Variants in PCDHGA11 observed in about 807,000 individuals in gnomAD.
PCDHGA11 encodes protocadherin gamma subfamily A, 11.
Under a neutral mutation model 60.4 loss-of-function variants are expected in PCDHGA11, and 39 were observed. The observed-to-expected ratio is 0.65, with a 90% CI of 0.50 to 0.84. The LOEUF is 0.84. Ranked by LOEUF, PCDHGA11 falls within the 40% of genes least tolerant of loss-of-function variation. PCDHGA11 has a pLI of 0.00. For missense variants in PCDHGA11, 1,165 were observed against 1,197.7 expected, an observed-to-expected ratio of 0.97 and a Z score of 0.40; for synonymous variants, 533 against 510.3, an observed-to-expected ratio of 1.04 and a Z score of -0.60.
chr5:141,444,373 G>A (rs2098434682), intron 1 of PCDHGA11, among the ~76,000 whole-genome samples: 1 of 151,902 alleles, frequency 6.6e-6, no homozygotes, highest in South Asian at 2.1e-4. Context: ...GTTTCTCCAT[G>A]TTGGTCAGGC....
Position 141,421,294 on chromosome 5 carries a change from A to G in PCDHGA11, c.67A>G (p.Thr23Ala), listed in dbSNP as rs779984795. ...LLLLLCIFLG[T>A]LRGFRARQIR... ...GCTGCTGCTGTGCATTTTCCTGGGGACGCTGCGGGGGTTCCGGGCCAGGCA... is the reference window on the plus strand; with the variant it reads ...GCTGCTGCTGTGCATTTTCCTGGGGGCGCTGCGGGGGTTCCGGGCCAGGCA... Residue 23 changes from threonine to alanine, a missense_variant, in exon 1 of 4, where the codon ACG becomes GCG. Thr to Ala is a moderately conservative substitution (Grantham distance 58). Transcript: ENST00000398587. 3 of 1,613,304 alleles carry G rather than the reference A, an allele frequency of 1.9e-6. No individual in the cohort carries two copies. The highest frequency in any genetic ancestry group is 2.5e-6 in the Non-Finnish European group (3 of 1,179,760).
chr5:141,429,374 TG>T (rs2097206438), intron 1 of PCDHGA11, among the ~76,000 whole-genome samples: 1 of 145,410 alleles, frequency 6.9e-6, no homozygotes, highest in South Asian at 2.2e-4. Context: ...ATGGAGAAAA[TG>T]TGTTTTTTTT....
intron 1 of PCDHGA11, among the ~76,000 whole-genome samples, chr5:141,444,357 G>C (rs1258703336): frequency 3.3e-5 from 5 of 151,798 alleles, no homozygotes; most frequent in African/African-American, 9.7e-5. Flanking sequence ...TTTTAGTAGA[G>C]ACGGGGTTTC....
chr5:141,438,450 A>G (rs1017249043), intron 1 of PCDHGA11, among the ~76,000 whole-genome samples: 32 of 151,738 alleles, frequency 2.1e-4, no homozygotes, highest in African/African-American at 7.5e-4. Flanking sequence ...ACTCAATACA[A>G]TGCTTGAGTT....
At chr5:141,455,411 G>T (rs1292246147) in intron 1 of PCDHGA11, among the ~76,000 whole-genome samples, 1 of 152,096 alleles carries the variant, frequency 6.6e-6, no homozygotes, top group Non-Finnish European at 1.5e-5. Context: ...AGAGACAGAG[G>T]GAGCGGGGCT....
At chr5:141,441,981 C>A in intron 1 of PCDHGA11, 1 of 278,140 alleles carries the variant, frequency 3.6e-6, no homozygotes, top group South Asian at 3.6e-5. Context: ...GCCTGGAATG[C>A]GCACCGACGA....
intron 1 of PCDHGA11, among the ~76,000 whole-genome samples, chr5:141,494,039 G>A (rs901795348): frequency 2.0e-5 from 3 of 152,144 alleles, no homozygotes; most frequent in Non-Finnish European, 4.4e-5. Context: ...GACTTAGTTG[G>A]CCCTGCTTGG....
At chr5:141,439,500 TTCTC>T (rs1399113868) in intron 1 of PCDHGA11, among the ~76,000 whole-genome samples, 9 of 152,246 alleles carry the variant, frequency 5.9e-5, no homozygotes, top group Admixed American at 2.0e-4. Context: ...AGAAACGTCT[TTCTC>T]TCTGCTCTCA....
At position 141,421,613 on chromosome 5, in the gene PCDHGA11, A is replaced by T. The variant is rs2096587756; in HGVS notation, c.386A>T (p.Asp129Val). Residue 129 changes from aspartate (D) to valine (V), a missense_variant, in exon 1 of 4, where the codon GAT (aspartate) becomes GTT (valine). Transcript: ENST00000398587. Reference sequence around the variant, plus strand: ...GAGGTGGAAATAATAGATATTAATGATAACGCCCCCAGCTTCCAGGAGGAC... The same window carrying T: ...GAGGTGGAAATAATAGATATTAATGTTAACGCCCCCAGCTTCCAGGAGGAC... The part of the protein sequence containing the change: ...GVEVEIIDIN[D>V]NAPSFQEDEV... 6.2e-7 allele frequency: 1 copy of T among 1,613,720 alleles called. No individual in the cohort carries two copies. Among genetic ancestry groups the T allele is most frequent in the Admixed American group, 1.7e-5 (1 of 59,980 alleles).
Position 141,422,806 on chromosome 5 carries a change from C to A in PCDHGA11, c.1579C>A (p.Arg527=). The A allele has an allele frequency of 6.2e-7, 1 of 1,614,208 alleles. No homozygotes were observed. Among genetic ancestry groups the A allele is most frequent in the Non-Finnish European group, 8.5e-7 (1 of 1,180,030 alleles). ...ACAATCCTTCGACTATGAGCAGTTT[C>A]GAGACTTAGAACTGAGAGTGATAGC... ...ALQSFDYEQF[R]DLELRVIARD... is the part of the protein sequence containing the mutation. Residue 527 remains arginine, a synonymous_variant, in exon 1 of 4, where the codon CGA becomes AGA. Coordinates refer to ENST00000398587, the MANE Select transcript of PCDHGA11 (RefSeq NM_018914.3).
intron 1 of PCDHGA11, chr5:141,441,894 G>T: frequency 2.9e-6 from 1 of 347,862 alleles, no homozygotes; most frequent in Non-Finnish European, 5.6e-6. Context: ...CCAAGGTGGT[G>T]GCTGTAGACG....
At chr5:141,500,475 C>T (rs1193752670) in intron 2 of PCDHGA11, among the ~76,000 whole-genome samples, 1 of 152,024 alleles carries the variant, frequency 6.6e-6, no homozygotes, top group African/African-American at 2.4e-5. Flanking sequence ...TCCCAAAGTG[C>T]TGGGATTACA....
chr5:141,427,693 C>A, intron 1 of PCDHGA11: 2 of 909,726 alleles, frequency 2.2e-6, no homozygotes, highest in East Asian at 2.5e-5. Context: ...GCCTCCATCC[C>A]ACAAGTCAGC....
chr5:141,487,643 C>T lies in PCDHGA11; in HGVS notation c.2434-7164C>T. 1.2e-6 allele frequency: 2 copies of T among 1,614,104 alleles called. No homozygotes were observed. The highest frequency in any genetic ancestry group is 1.7e-6 in the Non-Finnish European group (2 of 1,179,986). Reference sequence around the variant, plus strand: ...GAGACCTTTGCAGGCTCAACAAATGCTTGAGGGTTATTCTGATCCAGGCAT... The same window carrying T: ...GAGACCTTTGCAGGCTCAACAAATGTTTGAGGGTTATTCTGATCCAGGCAT... On this transcript the variant is annotated intron_variant, in intron 1 of 3. Transcript: ENST00000398587. The surrounding 1 kb of genome is among the most constrained non-coding windows in gnomAD (Gnocchi z 5.0).
intron 1 of PCDHGA11, among the ~76,000 whole-genome samples, chr5:141,425,257 G>A (rs746250240): frequency 6.6e-6 from 1 of 152,152 alleles, no homozygotes; most frequent in Non-Finnish European, 1.5e-5. Context: ...TGAGGTATTT[G>A]GCTGGGAAAA....
rs151119016 is a variant in PCDHGA11, at chr5:141,489,949, G to C, written c.2434-4858G>C. On this transcript the variant is annotated intron_variant, in intron 1 of 3. Transcript: ENST00000398587. The surrounding 1 kb of genome is among the most constrained non-coding windows in gnomAD (Gnocchi z 4.5). ...CTCTGTCATCGTGCTGGACATCAAT[G>C]ATAATGCTCCAACCTTCCAATCCTC... is the stretch of plus-strand genomic sequence containing the variant. 1 of 1,614,198 alleles carries C rather than the reference G, an allele frequency of 6.2e-7. No individual in the cohort carries two copies. Among genetic ancestry groups the C allele is most frequent in the Non-Finnish European group, 8.5e-7 (1 of 1,180,028 alleles).
chr5:141,431,411 G>A lies in PCDHGA11; in HGVS notation c.2433+7751G>A. On this transcript the variant is annotated intron_variant, in intron 1 of 3. Coordinates refer to ENST00000398587, the MANE Select transcript of PCDHGA11 (RefSeq NM_018914.3). This position sits in a 1 kb window ranked among gnomAD's most constrained non-coding sequence, Gnocchi z 4.8. ...CCTGGTCCTTACGGCCTCCGACGGG[G>A]GCGACCCGGTGCGCACAGGCACCGC... 3 of 1,613,728 alleles carry A rather than the reference G, an allele frequency of 1.9e-6. No individual in the cohort carries two copies. The highest frequency in any genetic ancestry group is 2.5e-6 in the Non-Finnish European group (3 of 1,180,038).
chr5:141,496,160 G>C (rs1428576442), intron 2 of PCDHGA11, among the ~76,000 whole-genome samples: 2 of 151,600 alleles, frequency 1.3e-5, no homozygotes, highest in Admixed American at 6.6e-5. Flanking sequence ...CTCTCCACCA[G>C]ACACCCTCCC....
Position 141,422,634 on chromosome 5 carries a change from T to C in PCDHGA11, c.1407T>C (p.Gly469=). 3 of 1,612,682 alleles carry C rather than the reference T, an allele frequency of 1.9e-6. No individual in the cohort carries two copies. The highest frequency in any genetic ancestry group is 2.5e-6 in the Non-Finnish European group (3 of 1,179,294). ...SAYIPENNPR[G]ASIFSVTALD... ...ACATTCCCGAAAACAACCCCAGGGGTGCCTCCATCTTCTCAGTGACCGCCC... is the reference window on the plus strand; with the variant it reads ...ACATTCCCGAAAACAACCCCAGGGGCGCCTCCATCTTCTCAGTGACCGCCC... The change falls in exon 1 of 4, where the codon GGT becomes GGC. Residue 469 remains glycine, a synonymous_variant. Coordinates refer to ENST00000398587, the MANE Select transcript of PCDHGA11 (RefSeq NM_018914.3).
Sources: gnomAD v4.1 joint callset for allele counts (sites outside exome capture counted in the v4.1 genomes callset) on GRCh38, gnomAD v4.1.1 for gene constraint, Gnocchi (gnomAD v3.1) non-coding constraint, MANE v1.5 for transcripts, NCBI Gene and HGNC (gene_info 2026-07-23, HGNC 2026-07-21) for gene names.